The following IQUB variants were observed in gnomAD, a reference collection of about 807,000 sequenced individuals.
The protein encoded by IQUB is IQ motif and ubiquitin domain containing.
In IQUB, 86 loss-of-function variants were observed where a neutral mutation model predicts 86.4. The ratio of observed to expected loss-of-function variants is 1.00; its 90% CI spans 0.84 to 1.19. The LOEUF (loss-of-function observed/expected upper bound fraction) is 1.19, where lower values mean the gene tolerates loss of function less well. IQUB is among the 50% of genes most tolerant of loss of function. The pLI is 0.00. For missense variants in IQUB, 946 were observed against 916.9 expected, an observed-to-expected ratio of 1.03 and a Z score of -0.41; for synonymous variants, 289 against 304.5, an observed-to-expected ratio of 0.95 and a Z score of 0.53.
In IQUB at chr7:123,485,678, C is replaced by G. The variant is rs541594333; in HGVS notation, c.1235-5708G>C. Among the ~76,000 whole-genome samples, 40 of 152,180 alleles carry G rather than the reference C, an allele frequency of 2.6e-4. 1 individual carries two copies. In the South Asian group the frequency reaches 7.5e-3, roughly 28 times the overall value. On this transcript the variant is annotated intron_variant, in intron 7 of 12. Transcript: ENST00000324698. ...TTCATTTTAAATTTCTGAAACCTGA[C>G]CTTGTAATTTCCAAGCAAGAAATAG...
chr7:123,516,116 C>A (rs547785199), intron 1 of IQUB, among the ~76,000 whole-genome samples: 2 of 150,802 alleles, frequency 1.3e-5, no homozygotes, highest in African/African-American at 2.5e-5. Context: ...AATTAATGCT[C>A]CTTTCAGTAG....
Position 123,479,817 on chromosome 7 carries a change from G to A in IQUB, c.1388C>T (p.Ala463Val). 6.2e-7 allele frequency: 1 copy of A among 1,611,852 alleles called. No homozygotes were observed. The highest frequency in any genetic ancestry group is 8.5e-7 in the Non-Finnish European group (1 of 1,178,932). ...AACCTTATCCAAAAAAGCTTGTATT[G>A]CTGCTTCCTGATTTGCCATATAAGC... Reference protein sequence around the residue: ...YIAYMANQEAAIQAFLDKCSA... With the variant: ...YIAYMANQEAVIQAFLDKCSA... Residue 463 changes from alanine to valine, a missense_variant, in exon 8 of 13, where the codon GCA (alanine) becomes GTA (valine). Ala to Val is a moderately conservative substitution (Grantham distance 64). Coordinates refer to ENST00000324698, the MANE Select transcript of IQUB (RefSeq NM_178827.5).
At chr7:123,500,939 T>G (rs184328632) in intron 6 of IQUB, 1 of 152,348 alleles carries the variant, frequency 6.6e-6, no homozygotes, top group East Asian at 1.9e-4. Context: ...GACAGAAATT[T>G]CCATTTCCTT....
chr7:123,530,011 G>A (rs545940005), intron 1 of IQUB, among the ~76,000 whole-genome samples: 24 of 151,922 alleles, frequency 1.6e-4, no homozygotes, highest in African/African-American at 4.3e-4. Context: ...CCAGCCTGGC[G>A]ACAGAGCCAG....
At position 123,484,582 on chromosome 7, in the gene IQUB, A is replaced by G. The variant is rs1402873223; in HGVS notation, c.1235-4612T>C. Among the ~76,000 whole-genome samples, 5 of 152,082 alleles carry G rather than the reference A, an allele frequency of 3.3e-5. No homozygotes were observed. In the East Asian group the frequency reaches 7.7e-4, roughly 23 times the overall value. On this transcript the variant is annotated intron_variant, in intron 7 of 12. Coordinates refer to ENST00000324698, the MANE Select transcript of IQUB (RefSeq NM_178827.5). ...TTTTACAATAGAAACCTTTAGAATC[A>G]ATAATAAATTTGGGTAGAGCACTAA...
chr7:123,483,045 T>C (rs1795074218), intron 7 of IQUB, among the ~76,000 whole-genome samples: 1 of 152,160 alleles, frequency 6.6e-6, no homozygotes, highest in Admixed American at 6.6e-5. Context: ...TTTTCTGAAC[T>C]ATTCCTAAAA....
chr7:123,494,660 A>C (rs1795633841), intron 7 of IQUB, among the ~76,000 whole-genome samples: 1 of 152,140 alleles, frequency 6.6e-6, no homozygotes, highest in Non-Finnish European at 1.5e-5. Flanking sequence ...AATTCTGTAT[A>C]AAATCATTTG....
intron 1 of IQUB, among the ~76,000 whole-genome samples, chr7:123,517,325 A>T (rs1584640796): frequency 1.3e-5 from 2 of 151,728 alleles, no homozygotes; most frequent in Non-Finnish European, 2.9e-5. Flanking sequence ...AGGTCAGGAG[A>T]TCGAGACCAT....
At chr7:123,493,731 ATGTGTG>A (rs71161484) in intron 7 of IQUB, among the ~76,000 whole-genome samples, 2,677 of 112,650 alleles carry the variant, frequency 0.024, 75 homozygotes, top group African/African-American at 0.076. Flanking sequence ...ATGTGTGTGT[ATGTGTG>A]TGTGTGTGTG....
At chr7:123,476,616 T>C (rs1794755718) in intron 8 of IQUB, among the ~76,000 whole-genome samples, 1 of 151,858 alleles carries the variant, frequency 6.6e-6, no homozygotes, top group African/African-American at 2.4e-5. Context: ...GACGTGAAAC[T>C]GGAGGCAGCA....
chr7:123,486,580 A>G (rs1795220871), intron 7 of IQUB, among the ~76,000 whole-genome samples: 1 of 152,338 alleles, frequency 6.6e-6, no homozygotes, highest in South Asian at 2.1e-4. Flanking sequence ...TTTATTAAAT[A>G]GGGAAAATAA....
intron 2 of IQUB, 42 bp from the exon 3 acceptor site, chr7:123,510,077 G>C: frequency 7.8e-7 from 1 of 1,288,248 alleles, no homozygotes; most frequent in Non-Finnish European, 1.1e-6. Flanking sequence ...GTCAAATATA[G>C]CAAAGGTCAG....
chr7:123,457,328 C>A, intron 12 of IQUB, 53 bp downstream of exon 12: 1 of 1,588,198 alleles, frequency 6.3e-7, no homozygotes, highest in Non-Finnish European at 8.6e-7. Flanking sequence ...CCAGTTATCG[C>A]TAATAATTCC....
chr7:123,481,998 C>T (rs1023614643), intron 7 of IQUB, among the ~76,000 whole-genome samples: 1 of 151,054 alleles, frequency 6.6e-6, no homozygotes, highest in African/African-American at 2.4e-5. Flanking sequence ...AAAAGTGACA[C>T]GAAAGGTGAA....
At chr7:123,526,978 A>T (rs865927218) in intron 1 of IQUB, among the ~76,000 whole-genome samples, 42 of 152,200 alleles carry the variant, frequency 2.8e-4, no homozygotes, top group African/African-American at 7.9e-4. Flanking sequence ...GCTGGATATG[A>T]AATTCTGGGT....
At chr7:123,462,610 ATCTAGG>A (rs1794048776) in intron 10 of IQUB, 1 of 240,258 alleles carries the variant, frequency 4.2e-6, no homozygotes, top group African/African-American at 2.3e-5. Flanking sequence ...AAGAAGAGTG[ATCTAGG>A]TGTATGATCA....
Position 123,457,437 on chromosome 7 carries a change from T to C in IQUB, c.2137A>G (p.Ile713Val), listed in dbSNP as rs1312914837. ...KSLEWSPWNC[I>V]LLTKDEAAAH... ...GCTGCTTCATCTTTGGTAAGAAGAA[T>C]GCAGTTCCAGGGGGACCACTCCAGG... Residue 713 changes from isoleucine to valine, a missense_variant, in exon 12 of 13, where the codon ATT becomes GTT. Coordinates refer to ENST00000324698, the MANE Select transcript of IQUB (RefSeq NM_178827.5). The C allele has an allele frequency of 6.2e-7, 1 of 1,612,698 alleles. No individual in the cohort carries two copies. Among genetic ancestry groups the C allele is most frequent in the Admixed American group, 1.7e-5 (1 of 59,828 alleles).
At chr7:123,477,367 G>T (rs1355326838) in intron 8 of IQUB, among the ~76,000 whole-genome samples, 3 of 152,184 alleles carry the variant, frequency 2.0e-5, no homozygotes, top group African/African-American at 7.2e-5. Context: ...AAATGGTGCT[G>T]GGAAAACTGG....
At chr7:123,498,234 C>T (rs1795789244) in intron 6 of IQUB, among the ~76,000 whole-genome samples, 1 of 151,964 alleles carries the variant, frequency 6.6e-6, no homozygotes, top group Non-Finnish European at 1.5e-5. Context: ...AAACTATTAG[C>T]AATGCAAATT....
Sources: gnomAD v4.1 joint callset for allele counts (sites outside exome capture counted in the v4.1 genomes callset) on GRCh38, gnomAD v4.1.1 for gene constraint, MANE v1.5 for transcripts, NCBI Gene and HGNC (gene_info 2026-07-23, HGNC 2026-07-21) for gene names.